GRIA1: variants seen among roughly 807,000 people sequenced by gnomAD.
The protein encoded by GRIA1 is glutamate receptor 1.
Under a neutral mutation model 99.2 loss-of-function variants are expected in GRIA1, and 31 were observed. The ratio of observed to expected loss-of-function variants is 0.31; its 90% CI spans 0.23 to 0.42. The LOEUF is 0.42. Ranked by LOEUF, GRIA1 falls within the 10% of genes least tolerant of loss-of-function variation. GRIA1 has a pLI of 1.00. For missense variants in GRIA1, 782 were observed against 1,157.5 expected, an observed-to-expected ratio of 0.68 and a Z score of 4.71; for synonymous variants, 438 against 432.4, an observed-to-expected ratio of 1.01 and a Z score of -0.16.
chr5:153,595,747 A>AAT (rs915266378), intron 2 of GRIA1, among the ~76,000 whole-genome samples: 25 of 148,086 alleles, frequency 1.7e-4, no homozygotes, highest in Middle Eastern at 3.6e-3. Context: ...AATATAATAT[A>AAT]ATATATATAT....
intron 13 of GRIA1, among the ~76,000 whole-genome samples, chr5:153,788,325 C>CTAGT (rs1325979993): frequency 1.3e-5 from 2 of 152,190 alleles, no homozygotes; most frequent in Non-Finnish European, 2.9e-5. Flanking sequence ...TGGGCTCCTC[C>CTAGT]ACTAGCCTTC....
chr5:153,662,337 A>C (rs769000954), intron 5 of GRIA1, among the ~76,000 whole-genome samples: 1 of 152,230 alleles, frequency 6.6e-6, no homozygotes, highest in Admixed American at 6.5e-5. Flanking sequence ...TTGTCCCAGA[A>C]GCAACCTGAC....
chr5:153,690,601 C>T (rs561455253), intron 8 of GRIA1, among the ~76,000 whole-genome samples: 234 of 152,292 alleles, frequency 1.5e-3, no homozygotes, highest in African/African-American at 5.3e-3. Flanking sequence ...CTTTTAAACT[C>T]CCTTCTATAG....
intron 2 of GRIA1, among the ~76,000 whole-genome samples, chr5:153,571,646 T>C (rs1252617367): frequency 1.3e-5 from 2 of 152,278 alleles, no homozygotes; most frequent in Admixed American, 6.5e-5. Flanking sequence ...AAGAAATACA[T>C]GAAGCCGTAA....
At chr5:153,760,355 A>G (rs1763099303) in intron 11 of GRIA1, among the ~76,000 whole-genome samples, 1 of 152,104 alleles carries the variant, frequency 6.6e-6, no homozygotes, top group Non-Finnish European at 1.5e-5. Flanking sequence ...TAAAATCAAA[A>G]TACAAAATTA....
At chr5:153,634,195 G>A (rs185107504) in intron 2 of GRIA1, among the ~76,000 whole-genome samples, 42 of 152,058 alleles carry the variant, frequency 2.8e-4, no homozygotes, top group African/African-American at 9.4e-4. Context: ...GCAGGCACCT[G>A]TAGTCCCAGC....
intron 13 of GRIA1, among the ~76,000 whole-genome samples, chr5:153,775,307 A>G (rs1410330576): frequency 6.6e-6 from 1 of 152,240 alleles, no homozygotes; most frequent in Non-Finnish European, 1.5e-5. Flanking sequence ...CTCTTTCACA[A>G]ACTACCTACC....
chr5:153,780,778 G>C (rs763820816), intron 13 of GRIA1, among the ~76,000 whole-genome samples: 20 of 151,910 alleles, frequency 1.3e-4, no homozygotes, highest in Non-Finnish European at 2.8e-4. Flanking sequence ...CTTCCCTTTC[G>C]GCCCTCCACA....
At chr5:153,687,247 G>A (rs910412543) in intron 8 of GRIA1, among the ~76,000 whole-genome samples, 2 of 152,198 alleles carry the variant, frequency 1.3e-5, no homozygotes, top group South Asian at 2.1e-4. Context: ...CGTAGAGCTG[G>A]TAGGGTGCCA....
intron 4 of GRIA1, among the ~76,000 whole-genome samples, chr5:153,654,309 A>G (rs901668742): frequency 6.6e-6 from 1 of 152,082 alleles, no homozygotes; most frequent in Non-Finnish European, 1.5e-5. Context: ...TATAAGTCAA[A>G]AGTCATCAGT....
At chr5:153,694,372 T>C (rs1320129601) in intron 8 of GRIA1, among the ~76,000 whole-genome samples, 1 of 152,204 alleles carries the variant, frequency 6.6e-6, no homozygotes, top group Admixed American at 6.5e-5. Flanking sequence ...TATTGTCAAG[T>C]GAATTTCAAA....
intron 5 of GRIA1, among the ~76,000 whole-genome samples, chr5:153,672,248 G>A (rs1361486624): frequency 6.6e-6 from 1 of 152,204 alleles, no homozygotes; most frequent in East Asian, 1.9e-4. Context: ...GTCATTGATT[G>A]AAAGCTGCTT....
At chr5:153,706,645 G>A (rs561662834) in intron 11 of GRIA1, among the ~76,000 whole-genome samples, 6 of 152,304 alleles carry the variant, frequency 3.9e-5, no homozygotes, top group African/African-American at 1.4e-4. Context: ...TAGCACATGG[G>A]CCCTTTATGC....
intron 13 of GRIA1, among the ~76,000 whole-genome samples, chr5:153,772,935 C>A (rs534268874): frequency 6.6e-6 from 1 of 152,234 alleles, no homozygotes; most frequent in South Asian, 2.1e-4. Flanking sequence ...CATAATTTGT[C>A]CAATCAATAG....
chr5:153,730,106 T>G (rs1439441733), intron 11 of GRIA1, among the ~76,000 whole-genome samples: 1 of 152,144 alleles, frequency 6.6e-6, no homozygotes, highest in Non-Finnish European at 1.5e-5. Context: ...TCCCACACAT[T>G]GCTTCTGAAA....
At chr5:153,566,716 C>CT (rs56127811) in intron 2 of GRIA1, among the ~76,000 whole-genome samples, 85,694 of 115,712 alleles carry the variant, frequency 0.74, 32,580 homozygotes, top group East Asian at 0.85. Flanking sequence ...CAAATATTGT[C>CT]TTTTTTTTTT....
chr5:153,693,177 A>T (rs1485883120), intron 8 of GRIA1, among the ~76,000 whole-genome samples: 4 of 152,122 alleles, frequency 2.6e-5, no homozygotes, highest in African/African-American at 9.7e-5. Context: ...CATCCAGCTA[A>T]CAGATAGGAA....
chr5:153,714,017 C>A (rs1759497930), intron 11 of GRIA1, among the ~76,000 whole-genome samples: 1 of 152,114 alleles, frequency 6.6e-6, no homozygotes, highest in Non-Finnish European at 1.5e-5. Flanking sequence ...ACATGGCCAT[C>A]CCAATTCGAT....
chr5:153,646,721 G>A (rs1157154545), intron 2 of GRIA1, among the ~76,000 whole-genome samples: 2 of 152,196 alleles, frequency 1.3e-5, no homozygotes, highest in African/African-American at 4.8e-5. Context: ...GGGGTAGTTA[G>A]ATGGGTAGGA....
Sources: gnomAD v4.1 joint callset for allele counts (sites outside exome capture counted in the v4.1 genomes callset) on GRCh38, gnomAD v4.1.1 for gene constraint, MANE v1.5 for transcripts, NCBI Gene and HGNC (gene_info 2026-07-23, HGNC 2026-07-21) for gene names.